Variants in RASGRP3 observed in about 807,000 individuals in gnomAD.
RASGRP3 encodes RAS guanyl releasing protein 3.
A neutral mutation model predicts 82.7 loss-of-function variants in RASGRP3; 54 were observed. The ratio of observed to expected loss-of-function variants is 0.65; its 90% CI spans 0.52 to 0.82. The LOEUF (loss-of-function observed/expected upper bound fraction) is 0.82, where lower values mean the gene tolerates loss of function less well. RASGRP3 is among the 40% of genes least tolerant of loss of function. The pLI is 0.00. For missense variants in RASGRP3, 861 were observed against 828.9 expected (o/e 1.04, Z -0.48); for synonymous variants, 309 against 300.5 (o/e 1.03, Z -0.29).
At chr2:33,504,696 CT>C (rs1670188391) in intron 1 of RASGRP3, among the ~76,000 whole-genome samples, 1 of 152,222 alleles carries the variant, frequency 6.6e-6, no homozygotes, top group Non-Finnish European at 1.5e-5. Flanking sequence ...GTAGTCCAGG[CT>C]GTGCCTTCTG....
chr2:33,473,672 G>A (rs912434821), upstream of RASGRP3, among the ~76,000 whole-genome samples: 1 of 152,184 alleles, frequency 6.6e-6, no homozygotes, highest in Non-Finnish European at 1.5e-5. Context: ...CTGTGTTATT[G>A]TAGAACCTTT....
chr2:33,501,377 C>A (rs995464713), intron 1 of RASGRP3, among the ~76,000 whole-genome samples: 2 of 152,134 alleles, frequency 1.3e-5, no homozygotes, highest in Non-Finnish European at 2.9e-5. Flanking sequence ...AATAATACTG[C>A]TATGAACATT....
intron 2 of RASGRP3, among the ~76,000 whole-genome samples, chr2:33,469,509 G>T (rs1005251617): frequency 2.7e-5 from 4 of 148,572 alleles, no homozygotes; most frequent in Non-Finnish European, 5.9e-5. Context: ...TACCCAGGCT[G>T]AGTGCAGTGG....
At chr2:33,553,631 A>G (rs1316893272) in intron 14 of RASGRP3, among the ~76,000 whole-genome samples, 1 of 152,126 alleles carries the variant, frequency 6.6e-6, no homozygotes, top group Non-Finnish European at 1.5e-5. Flanking sequence ...CCTTTTCTGG[A>G]TCATGCCCCT....
rs935806896 is a variant in RASGRP3 at position 33,440,168 on chromosome 2, A to G, written c.-385+3577A>G. Among the ~76,000 whole-genome samples the G allele has an allele frequency of 3.3e-5, 5 of 152,290 alleles. No individual in the cohort carries two copies. In the East Asian group the frequency reaches 9.7e-4, roughly 29 times the overall value. On this transcript the variant is annotated intron_variant, in intron 1 of 18. Transcript: ENST00000402538. ...GGAATGATGGAATAGTCAGATAGAA[A>G]TAGTAAGCGAACAGCTGAGAATGGA...
upstream of RASGRP3, among the ~76,000 whole-genome samples, chr2:33,472,085 TA>T (rs1256139261): frequency 6.6e-6 from 1 of 152,086 alleles, no homozygotes; most frequent in Non-Finnish European, 1.5e-5. Context: ...ACTTTTCTTA[TA>T]TTTTTTTCTT....
chr2:33,468,562 G>A (rs910555563), intron 2 of RASGRP3, among the ~76,000 whole-genome samples: 3 of 151,842 alleles, frequency 2.0e-5, no homozygotes, highest in East Asian at 1.9e-4. Flanking sequence ...CCACCATGCC[G>A]GGATAATTTT....
intron 3 of RASGRP3, 77 bp from the exon 4 acceptor site, chr2:33,516,465 C>A: frequency 1.1e-6 from 1 of 942,372 alleles, no homozygotes; most frequent in Non-Finnish European, 1.6e-6. Context: ...TATGACACTA[C>A]TGCGTCTCTA....
chr2:33,555,613 G>T, intron 15 of RASGRP3, 46 bp downstream of exon 15: 1 of 1,467,066 alleles, frequency 6.8e-7, no homozygotes, highest in South Asian at 1.2e-5. Flanking sequence ...GTGACATTTT[G>T]GGTAAGAATC....
At chr2:33,516,702 T>A (rs1671502206) in intron 4 of RASGRP3, 58 bp downstream of exon 4, 1 of 1,180,378 alleles carries the variant, frequency 8.5e-7, no homozygotes, top group Non-Finnish European at 1.2e-6. Context: ...TGTATTTAGA[T>A]AGAGTGTCTA....
At chr2:33,555,471 C>T (rs1167251221) in intron 14 of RASGRP3, 60 bp from the exon 15 acceptor site, 2 of 1,462,142 alleles carry the variant, frequency 1.4e-6, no homozygotes, top group Admixed American at 1.9e-5. Context: ...TTTCAGTGGC[C>T]TTGTTTTCCT....
chr2:33,451,539 TC>T (rs1665800000), intron 2 of RASGRP3, among the ~76,000 whole-genome samples: 1 of 152,220 alleles, frequency 6.6e-6, no homozygotes, highest in Non-Finnish European at 1.5e-5. Context: ...TTTATAGTTT[TC>T]AGGTGTTAAG....
chr2:33,543,544 T>C lies in RASGRP3; in HGVS notation c.1311T>C (p.Asp437=). The change falls in exon 13 of 18, where the codon GAT becomes GAC. Residue 437 remains aspartate, a synonymous_variant. Transcript: ENST00000403687. ...SVFRNYDHDH[D]GYISQEDFES... is the part of the protein sequence containing the mutation. ...TTAGAAACTATGATCACGACCATGATGGGTACATTTCCCAAGAGGACTTTG... is the reference window on the plus strand; with the variant it reads ...TTAGAAACTATGATCACGACCATGACGGGTACATTTCCCAAGAGGACTTTG... The C allele has an allele frequency of 6.2e-7, 1 of 1,610,260 alleles. No homozygotes were observed. The highest frequency in any genetic ancestry group is 8.5e-7 in the Non-Finnish European group (1 of 1,176,918).
Position 33,442,559 on chromosome 2 carries a change from G to A in RASGRP3, c.-384-5261G>A, listed in dbSNP as rs4670139. On this transcript the variant is annotated intron_variant, in intron 1 of 18. Transcript: ENST00000402538. ...TTCATGCTAATTCATTGCCATTGAC[G>A]GCCTCTCCTCCAAGTAAAGGGCTAT... Among the ~76,000 whole-genome samples, 574 of 152,248 alleles carry A rather than the reference G, an allele frequency of 3.8e-3. 22 individuals are homozygous for A. Among genetic ancestry groups the A allele is most frequent in the Admixed American group, 0.036 (554 of 15,294 alleles).
chr2:33,559,735 A>G (rs767649104), intron 17 of RASGRP3: 3 of 458,470 alleles, frequency 6.5e-6, no homozygotes, highest in African/African-American at 2.0e-5. Context: ...GTCATGGAGG[A>G]CAGCCATTGC....
chr2:33,531,285 T>C (rs893754015), intron 10 of RASGRP3, among the ~76,000 whole-genome samples: 1 of 152,176 alleles, frequency 6.6e-6, no homozygotes, highest in Non-Finnish European at 1.5e-5. Context: ...CAAAATATGT[T>C]TGACAAGAGC....
At chr2:33,519,339 A>G (rs1017070521) in intron 4 of RASGRP3, among the ~76,000 whole-genome samples, 9 of 152,212 alleles carry the variant, frequency 5.9e-5, no homozygotes, top group African/African-American at 1.7e-4. Context: ...TTTCTCGGCC[A>G]GGCGCGGTGG....
chr2:33,506,666 A>T (rs1027695151), intron 1 of RASGRP3, among the ~76,000 whole-genome samples: 2 of 152,252 alleles, frequency 1.3e-5, no homozygotes, highest in East Asian at 3.8e-4. Context: ...GGAAAATCCT[A>T]TTATCACATT....
chr2:33,467,826 A>C (rs1477499109), intron 2 of RASGRP3, among the ~76,000 whole-genome samples: 1 of 152,206 alleles, frequency 6.6e-6, no homozygotes, highest in East Asian at 1.9e-4. Context: ...CCTCCCTGAG[A>C]AACAGAATAA....
Sources: allele counts gnomAD v4.1 joint callset (sites outside exome capture counted in the v4.1 genomes callset), GRCh38; gene constraint gnomAD v4.1.1; transcripts MANE v1.5; gene names NCBI Gene and HGNC (gene_info 2026-07-23, HGNC 2026-07-21).